The following ZNF277 variants were observed in gnomAD, a reference collection of about 807,000 sequenced individuals.
The protein encoded by ZNF277 is zinc finger protein 277.
Under a neutral mutation model 60.7 loss-of-function variants are expected in ZNF277, and 55 were observed. The observed-to-expected ratio is 0.91, with a 90% confidence interval of 0.73 to 1.13. The LOEUF (loss-of-function observed/expected upper bound fraction) is 1.13, where lower values mean the gene tolerates loss of function less well. Ranked by LOEUF, ZNF277 falls within the 50% of genes most tolerant of loss-of-function variation. ZNF277 has a pLI of 0.00. For synonymous variants in ZNF277, 178 were observed against 179.3 expected (o/e 0.99, Z 0.06); for missense variants, 510 against 523.0 (o/e 0.98, Z 0.24).
At chr7:112,230,305 G>T (rs1822288990) in intron 1 of ZNF277, among the ~76,000 whole-genome samples, 1 of 152,190 alleles carries the variant, frequency 6.6e-6, no homozygotes, top group Non-Finnish European at 1.5e-5. Context: ...AATGGATATA[G>T]GGGCAGGGCA....
rs1026667559 is a variant in ZNF277 at position 112,318,364 on chromosome 7, A to G, written c.557+91A>G. 1.0e-5 allele frequency: 12 copies of G among 1,180,580 alleles called. 1 individual carries two copies. The highest frequency in any genetic ancestry group is 2.6e-5 in the South Asian group (2 of 75,542). The allele number at this position is 1,180,580 out of a possible 1,614,324, so 73.1% of individuals were successfully genotyped here. A position where few individuals can be genotyped will look rare whatever the true frequency, so the allele number is the denominator to read the frequency against. Reference sequence around the variant, plus strand: ...CTGTTGGTTATATAAATTAAGTTCTATGTGTTGGCTCAGGACCCTTTCGTA... The same window carrying G: ...CTGTTGGTTATATAAATTAAGTTCTGTGTGTTGGCTCAGGACCCTTTCGTA... On this transcript the variant is annotated intron_variant, in intron 5 of 11. Coordinates refer to ENST00000361822, the MANE Select transcript of ZNF277 (RefSeq NM_021994.3).
Position 112,342,603 on chromosome 7 carries a change from ACTAT to A in ZNF277, c.1230_1233del (p.Ser411ThrfsTer6), listed in dbSNP as rs1303338297. 8.7e-6 allele frequency: 14 copies of A among 1,612,636 alleles called. No homozygotes were observed. The highest frequency in any genetic ancestry group is 8.5e-6 in the Non-Finnish European group (10 of 1,179,704). On this transcript the variant is annotated frameshift_variant, in exon 12 of 12. Transcript: ENST00000361822. LOFTEE classifies it high-confidence loss of function. ...ATGAAAATGACACTCTCCTGTGTAC[ACTAT>A]CTGACAGTGAAAGTGACCTGACAGC...
At chr7:112,231,092 T>G (rs1281326400) in intron 1 of ZNF277, among the ~76,000 whole-genome samples, 1 of 151,922 alleles carries the variant, frequency 6.6e-6, no homozygotes, top group Non-Finnish European at 1.5e-5. Context: ...CAGGCACCTA[T>G]AATCCCAGCT....
chr7:112,236,008 C>T (rs1200046037), intron 1 of ZNF277, among the ~76,000 whole-genome samples: 2 of 151,950 alleles, frequency 1.3e-5, no homozygotes, highest in African/African-American at 4.8e-5. Flanking sequence ...CCAGTTTCAG[C>T]ACCATTTGTT....
intron 4 of ZNF277, among the ~76,000 whole-genome samples, chr7:112,307,335 C>T (rs951784936): frequency 1.3e-5 from 2 of 152,248 alleles, no homozygotes; most frequent in East Asian, 3.9e-4. Flanking sequence ...TTCAGAGAGG[C>T]TAACCACCTT....
chr7:112,291,663 A>G (rs1042480470), intron 2 of ZNF277, among the ~76,000 whole-genome samples: 1 of 152,180 alleles, frequency 6.6e-6, no homozygotes. Flanking sequence ...AAGATCTGCT[A>G]TCTTTATTCT....
chr7:112,224,109 T>C (rs1317574233), intron 1 of ZNF277, among the ~76,000 whole-genome samples: 1 of 152,192 alleles, frequency 6.6e-6, no homozygotes, highest in African/African-American at 2.4e-5. Flanking sequence ...TAGAGAGATC[T>C]GGTAGCGGGT....
At chr7:112,214,349 T>G (rs1821828974) in intron 1 of ZNF277, among the ~76,000 whole-genome samples, 1 of 152,234 alleles carries the variant, frequency 6.6e-6, no homozygotes, top group South Asian at 2.1e-4. Context: ...TAGAGAACTT[T>G]GCCACAAAAT....
chr7:112,309,069 T>G (rs1206336607), intron 4 of ZNF277, among the ~76,000 whole-genome samples: 1 of 152,070 alleles, frequency 6.6e-6, no homozygotes, highest in African/African-American at 2.4e-5. Context: ...AATGAAGGCT[T>G]TACGATCTAC....
intron 1 of ZNF277, among the ~76,000 whole-genome samples, chr7:112,279,087 C>T (rs914964371): frequency 3.3e-5 from 5 of 152,214 alleles, no homozygotes; most frequent in African/African-American, 1.2e-4. Flanking sequence ...TATTTAAATA[C>T]TACATTTTCT....
intron 1 of ZNF277, among the ~76,000 whole-genome samples, chr7:112,218,074 T>C (rs949566801): frequency 1.3e-5 from 2 of 152,190 alleles, no homozygotes; most frequent in Non-Finnish European, 2.9e-5. Flanking sequence ...TGAGTAATAA[T>C]AAAACTCCAG....
chr7:112,313,815 G>A (rs114984578), intron 4 of ZNF277, among the ~76,000 whole-genome samples: 175 of 152,196 alleles, frequency 1.1e-3, no homozygotes, highest in African/African-American at 3.5e-3. Flanking sequence ...ATGTCAGTAA[G>A]GGATAATCAA....
At chr7:112,242,405 C>A (rs1427589304) in intron 1 of ZNF277, among the ~76,000 whole-genome samples, 2 of 151,778 alleles carry the variant, frequency 1.3e-5, no homozygotes, top group African/African-American at 4.8e-5. Flanking sequence ...TGCTTGCTTG[C>A]GATAGGTGCT....
rs533665192 is a variant in ZNF277, at chr7:112,318,235, C to T, written c.519C>T (p.Gly173=). 1.5e-5 allele frequency: 24 copies of T among 1,613,222 alleles called. No individual in the cohort carries two copies. The highest frequency in any genetic ancestry group is 6.7e-5 in the East Asian group (3 of 44,860). The part of the protein sequence containing the change: ...QQERNDTNFH[G]VCMFCNEEFL... ...AACGAAATGATACCAATTTTCATGG[C>T]GTTTGTATGTTTTGCAATGAAGAAT... Residue 173 remains glycine (G), a synonymous_variant, in exon 5 of 12, where the codon GGC becomes GGT. Transcript: ENST00000361822.
rs536039920 is a variant in ZNF277, at chr7:112,310,451, G to C, written c.466-7731G>C. 2.0e-5 allele frequency among the ~76,000 whole-genome samples: 3 copies of C among 147,434 alleles called. No individual in the cohort carries two copies. In the East Asian group the frequency reaches 5.8e-4, roughly 29 times the overall value. On this transcript the variant is annotated intron_variant, in intron 4 of 11. Coordinates refer to ENST00000361822, the MANE Select transcript of ZNF277 (RefSeq NM_021994.3). Reference sequence around the variant, plus strand: ...CATTTAGGGCCTACCTTTAGGTTAGGTTTGAGAGAGAGAGAGAGAGAGAGA... The same window carrying C: ...CATTTAGGGCCTACCTTTAGGTTAGCTTTGAGAGAGAGAGAGAGAGAGAGA...
At chr7:112,208,008 T>G (rs1821607320) in intron 1 of ZNF277, among the ~76,000 whole-genome samples, 1 of 152,176 alleles carries the variant, frequency 6.6e-6, no homozygotes, top group Admixed American at 6.5e-5. Flanking sequence ...CTATTACGGT[T>G]TCCTAGATTT....
At chr7:112,293,425 G>T (rs972430495) in intron 2 of ZNF277, among the ~76,000 whole-genome samples, 1 of 151,628 alleles carries the variant, frequency 6.6e-6, no homozygotes, top group Non-Finnish European at 1.5e-5. Flanking sequence ...AAAAAAATAG[G>T]AAAATTAGTT....
At chr7:112,217,672 C>G (rs1821921492) in intron 1 of ZNF277, among the ~76,000 whole-genome samples, 1 of 152,192 alleles carries the variant, frequency 6.6e-6, no homozygotes, top group East Asian at 1.9e-4. Context: ...AAACCCGCTT[C>G]TTGCCTGGCG....
intron 1 of ZNF277, among the ~76,000 whole-genome samples, chr7:112,280,612 A>G (rs1395892692): frequency 6.6e-6 from 1 of 151,550 alleles, no homozygotes; most frequent in Non-Finnish European, 1.5e-5. Context: ...AGAGGATTAT[A>G]TATTTCTGTA....
Sources: allele counts gnomAD v4.1 joint callset (sites outside exome capture counted in the v4.1 genomes callset), GRCh38; gene constraint gnomAD v4.1.1; transcripts MANE v1.5; gene names NCBI Gene and HGNC (gene_info 2026-07-23, HGNC 2026-07-21).